The following CFAP20DC variants were observed in gnomAD, a reference collection of about 807,000 sequenced individuals.
CFAP20DC encodes CFAP20 domain containing.
Under a neutral mutation model 101.7 loss-of-function variants are expected in CFAP20DC, and 84 were observed. The ratio of observed to expected loss-of-function variants is 0.83; its 90% CI spans 0.69 to 0.99. CFAP20DC has a LOEUF of 0.99. CFAP20DC is among the 50% of genes least tolerant of loss of function. CFAP20DC has a pLI of 0.00. For missense variants in CFAP20DC, 1,007 were observed against 970.3 expected, an observed-to-expected ratio of 1.04 and a Z score of -0.50; for synonymous variants, 359 against 351.2, an observed-to-expected ratio of 1.02 and a Z score of -0.25.
intron 4 of CFAP20DC, among the ~76,000 whole-genome samples, chr3:58,988,932 G>A (rs1349118995): frequency 6.6e-6 from 1 of 151,978 alleles, no homozygotes; most frequent in Non-Finnish European, 1.5e-5. Flanking sequence ...TCTTTTGCCA[G>A]GAGTTCATTT....
chr3:58,751,640 T>C (rs926033984), intron 16 of CFAP20DC, among the ~76,000 whole-genome samples: 1 of 152,186 alleles, frequency 6.6e-6, no homozygotes, highest in Admixed American at 6.6e-5. Flanking sequence ...AAAAATAATA[T>C]TTCAACTCCT....
At chr3:59,028,016 T>C (rs2093923252) in intron 4 of CFAP20DC, among the ~76,000 whole-genome samples, 1 of 152,250 alleles carries the variant, frequency 6.6e-6, no homozygotes, top group Non-Finnish European at 1.5e-5. Context: ...AGTAGGTCTT[T>C]TGTGGGTTGA....
intron 3 of CFAP20DC, chr3:58,734,400 C>T: frequency 2.7e-6 from 1 of 366,288 alleles, no homozygotes; most frequent in South Asian, 2.1e-5. Flanking sequence ...AGTTCCAAAC[C>T]TGAAAGTCCT....
intron 6 of CFAP20DC, among the ~76,000 whole-genome samples, chr3:58,890,477 G>A (rs1252833276): frequency 1.4e-5 from 2 of 146,286 alleles, no homozygotes; most frequent in East Asian, 2.1e-4. Context: ...GCGGCTGGTC[G>A]GGCAGAGGGG....
intron 4 of CFAP20DC, among the ~76,000 whole-genome samples, chr3:58,956,292 G>C (rs567648687): frequency 1.3e-5 from 2 of 152,034 alleles, no homozygotes; most frequent in South Asian, 4.2e-4. Flanking sequence ...AGGCCAGAGG[G>C]GAGCCCATTT....
intron 16 of CFAP20DC, among the ~76,000 whole-genome samples, chr3:58,748,339 A>T (rs2107199120): frequency 6.6e-6 from 1 of 152,248 alleles, no homozygotes; most frequent in Middle Eastern, 3.4e-3. Flanking sequence ...GAAAGCTGGG[A>T]CCAGCCTTCT....
In CFAP20DC at chr3:58,874,434, T is replaced by TA. The variant is rs1407248818; in HGVS notation, c.716-4126dup. On this transcript the variant is annotated intron_variant, in intron 7 of 16. Coordinates refer to ENST00000482387, the MANE Select transcript of CFAP20DC (RefSeq NM_001394063.1). The surrounding 1 kb of genome is among the most constrained non-coding windows in gnomAD (Gnocchi z 5.1). ...ATTGAGTCATTTCCTTTCCTTCACT[T>TA]AAAGTTCTTCAGTGGCTTCTCTGCT... Among the ~76,000 whole-genome samples, 1 of 152,212 alleles carries TA rather than the reference T, an allele frequency of 6.6e-6. No homozygotes were observed. Among genetic ancestry groups the TA allele is most frequent in the Non-Finnish European group, 1.5e-5 (1 of 68,032 alleles).
chr3:58,983,318 T>C (rs938497657), intron 4 of CFAP20DC, among the ~76,000 whole-genome samples: 1 of 152,204 alleles, frequency 6.6e-6, no homozygotes, highest in African/African-American at 2.4e-5. Context: ...TTGCCAAATA[T>C]AAATCTGGCT....
chr3:58,893,068 G>C (rs528090045), intron 6 of CFAP20DC, among the ~76,000 whole-genome samples: 1 of 149,170 alleles, frequency 6.7e-6, no homozygotes, highest in African/African-American at 2.5e-5. Context: ...TTTTGAGATG[G>C]AGTCTCGCTC....
intron 15 of CFAP20DC, among the ~76,000 whole-genome samples, chr3:58,780,413 T>C (rs192456298): frequency 6.6e-6 from 1 of 151,882 alleles, no homozygotes; most frequent in African/African-American, 2.4e-5. Flanking sequence ...AATCAAGTAA[T>C]GAAATAACAG....
chr3:58,810,648 C>A (rs2074537254), intron 14 of CFAP20DC, among the ~76,000 whole-genome samples: 1 of 148,396 alleles, frequency 6.7e-6, no homozygotes, highest in Non-Finnish European at 1.5e-5. Context: ...TGGCACAAGA[C>A]AGGGATGCCC....
At chr3:58,848,023 G>T (rs1271635417) in intron 13 of CFAP20DC, among the ~76,000 whole-genome samples, 1 of 112,486 alleles carries the variant, frequency 8.9e-6, no homozygotes, top group Non-Finnish European at 1.8e-5. Flanking sequence ...GTTGTGGGGT[G>T]GGGGGAGGGG....
At chr3:58,791,656 T>C (rs773274985) in intron 15 of CFAP20DC, among the ~76,000 whole-genome samples, 1 of 152,172 alleles carries the variant, frequency 6.6e-6, no homozygotes, top group African/African-American at 2.4e-5. Context: ...TTATGCTTGA[T>C]AACAAAAAAC....
intron 14 of CFAP20DC, chr3:58,824,623 G>T (rs550673628): frequency 6.6e-6 from 1 of 152,178 alleles, no homozygotes; most frequent in African/African-American, 2.4e-5. Context: ...TGAAAATGGC[G>T]ATAATGTTGC....
intron 4 of CFAP20DC, among the ~76,000 whole-genome samples, chr3:58,991,029 A>G (rs1446020143): frequency 6.6e-6 from 1 of 152,192 alleles, no homozygotes; most frequent in Non-Finnish European, 1.5e-5. Context: ...TACTTGGCAC[A>G]TAGTGGGCTC....
chr3:58,757,973 C>G (rs1194359672), intron 15 of CFAP20DC, among the ~76,000 whole-genome samples: 1 of 152,024 alleles, frequency 6.6e-6, no homozygotes, highest in African/African-American at 2.4e-5. Context: ...ACTTTTCTTG[C>G]AGGACTTTTC....
intron 5 of CFAP20DC, among the ~76,000 whole-genome samples, chr3:58,916,330 C>T (rs759582618): frequency 2.9e-4 from 44 of 152,018 alleles, no homozygotes; most frequent in Non-Finnish European, 6.0e-4. Flanking sequence ...CAGCTGGTTA[C>T]ACCACCAGCT....
intron 4 of CFAP20DC, among the ~76,000 whole-genome samples, chr3:58,987,063 C>T (rs2092776931): frequency 6.6e-6 from 1 of 151,866 alleles, no homozygotes; most frequent in African/African-American, 2.4e-5. Flanking sequence ...TAAAAAAGGA[C>T]CTGCAAACAA....
intron 4 of CFAP20DC, among the ~76,000 whole-genome samples, chr3:58,948,079 T>C (rs368965529): frequency 6.6e-6 from 1 of 152,340 alleles, no homozygotes; most frequent in East Asian, 1.9e-4. Context: ...AAGGAGGCTC[T>C]AGGGTGCACT....
Sources: gnomAD v4.1 joint callset for allele counts (sites outside exome capture counted in the v4.1 genomes callset) on GRCh38, gnomAD v4.1.1 for gene constraint, Gnocchi (gnomAD v3.1) non-coding constraint, MANE v1.5 for transcripts, NCBI Gene and HGNC (gene_info 2026-07-23, HGNC 2026-07-21) for gene names.